PSMD1: variants seen among roughly 807,000 people sequenced by gnomAD.
PSMD1 encodes proteasome 26S subunit, non-ATPase 1.
PSMD1 carries 18 observed loss-of-function variants against 119.0 expected under a neutral mutation model. The observed-to-expected ratio is 0.15, with a 90% CI of 0.10 to 0.22. The LOEUF is 0.22. Ranked by LOEUF, PSMD1 falls within the 10% of genes least tolerant of loss-of-function variation. The pLI is 1.00. For synonymous variants in PSMD1, 374 were observed against 396.6 expected (o/e 0.94, Z 0.68); for missense variants, 702 against 1,158.5 (o/e 0.61, Z 5.72).
chr2:231,139,111 GT>G, intron 17 of PSMD1: 1 of 478,230 alleles, frequency 2.1e-6, no homozygotes, highest in African/African-American at 2.0e-5. Context: ...TGATTTCTGG[GT>G]TTTTTGTTTT....
intron 6 of PSMD1, 56 bp from the exon 7 acceptor site, chr2:231,072,133 T>C: frequency 7.0e-7 from 1 of 1,426,700 alleles, no homozygotes; most frequent in South Asian, 1.2e-5. Context: ...TCTCCTTAAG[T>C]ACCTTGTAGA....
At chr2:231,085,336 C>T (rs1054914397) in intron 15 of PSMD1, among the ~76,000 whole-genome samples, 2 of 152,158 alleles carry the variant, frequency 1.3e-5, no homozygotes, top group Non-Finnish European at 2.9e-5. Flanking sequence ...AAATGGAAGT[C>T]CTTAAAGCCA....
At chr2:231,103,623 C>G (rs1694919453) in intron 16 of PSMD1, among the ~76,000 whole-genome samples, 1 of 152,102 alleles carries the variant, frequency 6.6e-6, no homozygotes, top group African/African-American at 2.4e-5. Context: ...TCTTTTTGTA[C>G]TTTGCAGTTT....
At chr2:231,073,997 C>T (rs1694100771) in intron 7 of PSMD1, among the ~76,000 whole-genome samples, 1 of 151,918 alleles carries the variant, frequency 6.6e-6, no homozygotes, top group African/African-American at 2.4e-5. Context: ...ATCTTTATAC[C>T]TTTTCCCTCT....
Position 231,091,387 on chromosome 2 carries a change from C to T in PSMD1, c.1883+4206C>T, listed in dbSNP as rs372701234. On this transcript the variant is annotated intron_variant, in intron 16 of 24. Transcript: ENST00000308696. ...CTCTTGAAGCTTTTGCAAAACCTCC[C>T]GGCCTTCCAATAAGGTTTGCATCTT... Among the ~76,000 whole-genome samples the T allele has an allele frequency of 1.6e-4, 24 of 152,268 alleles. No individual in the cohort carries two copies. The East Asian group carries it at 2.9e-3, about 18-fold the overall frequency.
chr2:231,057,767 G>A (rs1235331816), intron 1 of PSMD1, among the ~76,000 whole-genome samples: 3 of 152,260 alleles, frequency 2.0e-5, no homozygotes, highest in Admixed American at 2.0e-4. Flanking sequence ...GTAGATTCAC[G>A]TAGTGACATT....
chr2:231,138,546 C>T (rs566731734), intron 16 of PSMD1, among the ~76,000 whole-genome samples, 190 bp from the exon 17 acceptor site: 18 of 152,290 alleles, frequency 1.2e-4, no homozygotes, highest in African/African-American at 3.6e-4. Context: ...CATATATTCT[C>T]TGAATATTGA....
intron 16 of PSMD1, among the ~76,000 whole-genome samples, chr2:231,132,194 AAAG>A (rs546393620): frequency 1.3e-5 from 2 of 152,376 alleles, no homozygotes; most frequent in South Asian, 4.1e-4. Flanking sequence ...CTACTAAAGA[AAAG>A]AACTTGAGTT....
At chr2:231,078,794 T>TC (rs1694233331) in intron 10 of PSMD1, 47 bp downstream of exon 10, 1 of 970,146 alleles carries the variant, frequency 1.0e-6, no homozygotes, top group Non-Finnish European at 1.4e-6. Flanking sequence ...TCTTTTTCTT[T>TC]TTTTTTTTTT....
Position 231,170,838 on chromosome 2 carries a change from A to G in PSMD1, c.*9+117A>G. 1 of 1,138,802 alleles carries G rather than the reference A, an allele frequency of 8.8e-7. No homozygotes were observed. Among genetic ancestry groups the G allele is most frequent in the Non-Finnish European group, 1.2e-6 (1 of 829,708 alleles). 70.5% of individuals were successfully genotyped at this position (1,138,802 alleles called of 1,614,324 possible). On this transcript the variant is annotated intron_variant, in intron 24 of 24. Transcript: ENST00000308696. The surrounding 1 kb of genome is among the most constrained non-coding windows in gnomAD (Gnocchi z 4.1). ...TTTTGTGTTTAATCCTTATTTACCTAAACAGTATTAAAACTTCCCCGTTTC... is the reference window on the plus strand; with the variant it reads ...TTTTGTGTTTAATCCTTATTTACCTGAACAGTATTAAAACTTCCCCGTTTC...
At chr2:231,165,641 G>C (rs971494315) in intron 22 of PSMD1, among the ~76,000 whole-genome samples, 1 of 152,084 alleles carries the variant, frequency 6.6e-6, no homozygotes, top group Non-Finnish European at 1.5e-5. Flanking sequence ...TCTGATCTCT[G>C]CTGGTAGAAA....
intron 21 of PSMD1, 119 bp from the exon 22 acceptor site, chr2:231,165,081 T>TTGC: frequency 5.4e-6 from 1 of 184,428 alleles, no homozygotes. Context: ...TATATATATA[T>TTGC]ATATATATAT....
rs78547209 is a variant in PSMD1, at chr2:231,128,231, T to C, written c.1884-10505T>C. Among the ~76,000 whole-genome samples, 695 of 152,362 alleles carry C rather than the reference T, an allele frequency of 4.6e-3. 6 individuals are homozygous for C. Among genetic ancestry groups the C allele is most frequent in the African/African-American group, 0.016 (674 of 41,578 alleles). The stretch of plus-strand genomic sequence containing the variant: ...TAAGTGCCATATGCTCATGGAGATA[T>C]ATTAATGAATAAGGTAAACATTTTC... On this transcript the variant is annotated intron_variant, in intron 16 of 24. Transcript: ENST00000308696.
At chr2:231,092,188 C>G (rs2125183698) in intron 16 of PSMD1, among the ~76,000 whole-genome samples, 1 of 152,214 alleles carries the variant, frequency 6.6e-6, no homozygotes, top group East Asian at 1.9e-4. Context: ...TCTCAGGTGG[C>G]AAGAGCAGAG....
chr2:231,125,076 C>G (rs552970406), intron 16 of PSMD1: 3 of 152,178 alleles, frequency 2.0e-5, no homozygotes, highest in Non-Finnish European at 2.9e-5. Flanking sequence ...TTCTGAGCCT[C>G]CAGCACAGGC....
chr2:231,133,484 A>T (rs1695896620), intron 16 of PSMD1: 1 of 152,254 alleles, frequency 6.6e-6, no homozygotes, highest in African/African-American at 2.4e-5. Context: ...CATTATAGGC[A>T]CATGGCCACA....
intron 16 of PSMD1, among the ~76,000 whole-genome samples, chr2:231,106,484 G>A (rs1429802716): frequency 2.6e-5 from 4 of 152,096 alleles, no homozygotes; most frequent in African/African-American, 9.7e-5. Flanking sequence ...CAGGTGTGGG[G>A]GCGGGCACCT....
intron 21 of PSMD1, among the ~76,000 whole-genome samples, chr2:231,164,348 C>T (rs1315890066): frequency 2.6e-5 from 4 of 152,126 alleles, no homozygotes; most frequent in Non-Finnish European, 4.4e-5. Flanking sequence ...TCACTTTATA[C>T]TCCTACCAAC....
At chr2:231,078,814 T>TTG (rs1217409084) in intron 10 of PSMD1, 67 bp downstream of exon 10, 2 of 1,129,154 alleles carry the variant, frequency 1.8e-6, no homozygotes, top group African/African-American at 1.6e-5. Flanking sequence ...TTTTTTTTTT[T>TTG]TGTGCAGTCT....
Sources: allele counts gnomAD v4.1 joint callset (sites outside exome capture counted in the v4.1 genomes callset), GRCh38; gene constraint gnomAD v4.1.1; non-coding constraint Gnocchi (gnomAD v3.1); transcripts MANE v1.5; gene names NCBI Gene and HGNC (gene_info 2026-07-23, HGNC 2026-07-21).